Variants in PCNX2 observed in about 807,000 individuals in gnomAD.
PCNX2 encodes pecanex-like protein 2.
A neutral mutation model predicts 223.8 loss-of-function variants in PCNX2; 168 were observed. The ratio of observed to expected loss-of-function variants is 0.75; its 90% CI spans 0.66 to 0.85. The LOEUF is 0.85. Among genes scored for constraint, PCNX2 ranks in the 40% least tolerant of loss-of-function variants. PCNX2 has a pLI of 0.00. For missense variants in PCNX2, 2,507 were observed against 2,675.5 expected, an observed-to-expected ratio of 0.94 and a Z score of 1.39; for synonymous variants, 1,006 against 1,052.6, an observed-to-expected ratio of 0.96 and a Z score of 0.86.
In PCNX2 at chr1:232,998,338, C is replaced by CGGTG. The variant is rs1462158849; in HGVS notation, c.5703_5704insCACC (p.Gly1902HisfsTer25). On this transcript the variant is annotated frameshift_variant, in exon 32 of 34. Transcript: ENST00000258229. LOFTEE classifies it high-confidence loss of function. ...TCTGCGCTGCTCTCCTGGCTGCCAC[C>CGGTG]ACTCGGGGCATTGTTGCCACCTGTC... 1.9e-6 allele frequency: 3 copies of CGGTG among 1,613,128 alleles called. No homozygotes were observed. The highest frequency in any genetic ancestry group is 2.5e-6 in the Non-Finnish European group (3 of 1,179,610).
At chr1:233,015,712 A>T (rs7516270) in intron 27 of PCNX2, among the ~76,000 whole-genome samples, 66,528 of 151,716 alleles carry the variant, frequency 0.44, 16,170 homozygotes, top group African/African-American at 0.65. Context: ...AAAAAATAAA[A>T]AAATATAATA....
intron 4 of PCNX2, among the ~76,000 whole-genome samples, chr1:233,260,859 G>C (rs2884216): frequency 0.3 from 45,389 of 151,462 alleles, 6,995 homozygotes; most frequent in South Asian, 0.45. Context: ...TAAGTTAAAA[G>C]AAAGATCCCC....
In PCNX2 at chr1:233,295,462, A is replaced by G; in HGVS notation, c.17T>C (p.Leu6Pro). Residue 6 changes from leucine (L) to proline (P), a missense_variant, in exon 1 of 34, where the codon CTG (leucine) becomes CCG (proline). Leu to Pro is a moderately conservative substitution (Grantham distance 98). This residue lies in a region of PCNX2 where 1,031 missense variants were observed against 1,021.7 expected (regional missense o/e 1.01). Transcript: ENST00000258229. The surrounding 1 kb of genome is among the most constrained non-coding windows in gnomAD (Gnocchi z 4.1). ...CCACACGCCCTGCCGGAGCAGCTGC[A>G]GCACCTGGGACACCATGCCGGCTGC... MVSQV[L>P]QLLRQGVWAA... The G allele has an allele frequency of 6.5e-7, 1 of 1,549,982 alleles. No homozygotes were observed. Among genetic ancestry groups the G allele is most frequent in the Non-Finnish European group, 8.7e-7 (1 of 1,146,616 alleles).
At chr1:233,190,674 T>A (rs80252746) in intron 15 of PCNX2, among the ~76,000 whole-genome samples, 13,260 of 152,136 alleles carry the variant, frequency 0.087, 1,367 homozygotes, top group African/African-American at 0.26. Flanking sequence ...TTTCAACTGG[T>A]CAAAGCCTGT....
chr1:233,315,943 A>T, the PCNX2 span, among the ~76,000 whole-genome samples: 13 of 152,354 alleles, frequency 8.5e-5, 1 homozygote, highest in South Asian at 2.7e-3. Context: ...TCATCAGACA[A>T]ATGTGCAAAA....
rs546787527 is a variant in PCNX2, at chr1:233,262,902, T to C, written c.359+56A>G. On this transcript the variant is annotated intron_variant, in intron 2 of 33. Transcript: ENST00000258229. ...CATAAACACTGATAAAAAACTTATT[T>C]TAATCAAGAGCAAAACATTTACATT... is the stretch of plus-strand genomic sequence containing the variant. 6 of 1,554,144 alleles carry C rather than the reference T, an allele frequency of 3.9e-6. No individual in the cohort carries two copies. The African/African-American group carries it at 8.2e-5, about 21-fold the overall frequency.
chr1:233,141,332 T>A (rs1677098096), intron 19 of PCNX2, among the ~76,000 whole-genome samples: 1 of 152,208 alleles, frequency 6.6e-6, no homozygotes, highest in Admixed American at 6.5e-5. Context: ...GAATATATCA[T>A]CTTGGTAACT....
chr1:233,295,215 A>C lies in PCNX2; in HGVS notation c.153+111T>G, dbSNP rs1662008255. 6.9e-7 allele frequency: 1 copy of C among 1,451,098 alleles called. No individual in the cohort carries two copies. The highest frequency in any genetic ancestry group is 9.4e-7 in the Non-Finnish European group (1 of 1,066,160). 89.9% of individuals were successfully genotyped at this position (1,451,098 alleles called of 1,614,324 possible). A position where few individuals can be genotyped will look rare whatever the true frequency, so the allele number is the denominator to read the frequency against. On this transcript the variant is annotated intron_variant, in intron 1 of 33. Coordinates refer to ENST00000258229, the MANE Select transcript of PCNX2 (RefSeq NM_014801.4). This position sits in a 1 kb window ranked among gnomAD's most constrained non-coding sequence, Gnocchi z 4.1. ...TGAAGCCCCTCCCTTTCCGTCTCTT[A>C]AGAATCTCTACGAACCCGAAAGCCC...
intron 23 of PCNX2, among the ~76,000 whole-genome samples, chr1:233,079,420 G>A (rs564326836): frequency 6.6e-6 from 1 of 151,590 alleles, no homozygotes; most frequent in Non-Finnish European, 1.5e-5. Flanking sequence ...AACTACTTGG[G>A]AGGCTGAGGC....
At chr1:233,190,389 T>C (rs1386810917) in intron 15 of PCNX2, among the ~76,000 whole-genome samples, 1 of 152,210 alleles carries the variant, frequency 6.6e-6, no homozygotes, top group Non-Finnish European at 1.5e-5. Context: ...TTCATTCAAT[T>C]CACAGCATTT....
intron 17 of PCNX2, among the ~76,000 whole-genome samples, chr1:233,169,068 G>C (rs1477812189): frequency 6.6e-6 from 1 of 151,908 alleles, no homozygotes; most frequent in Non-Finnish European, 1.5e-5. Flanking sequence ...CATATAATTT[G>C]CCTATAGGGT....
chr1:233,151,400 G>A (rs1399582163), intron 19 of PCNX2, among the ~76,000 whole-genome samples: 3 of 152,124 alleles, frequency 2.0e-5, no homozygotes, highest in African/African-American at 7.2e-5. Flanking sequence ...CCTTTCCCAT[G>A]TTTGTTGTGC....
intron 19 of PCNX2, among the ~76,000 whole-genome samples, chr1:233,149,460 G>C (rs955842916): frequency 9.0e-5 from 13 of 143,890 alleles, no homozygotes; most frequent in African/African-American, 3.9e-4. Flanking sequence ...GCATTTCAGT[G>C]GGGGTGAGGC....
At chr1:233,085,592 T>C (rs1435577624) in intron 23 of PCNX2, among the ~76,000 whole-genome samples, 1 of 152,132 alleles carries the variant, frequency 6.6e-6, no homozygotes, top group African/African-American at 2.4e-5. Flanking sequence ...TGAATCTGGG[T>C]GGGTGAGTGA....
rs1193984028 is a variant in PCNX2, at chr1:232,984,091, TTTG to T, written c.*210_*212del. ...TTGTTTCCCCATCATGTGAGGTTTT[TTTG>T]TTGTTGTTGTTTGATTTTTTTTTTT... is the stretch of plus-strand genomic sequence containing the variant. On this transcript the variant is annotated 3_prime_UTR_variant, in exon 34 of 34. Transcript: ENST00000258229. 4.0e-4 allele frequency: 175 copies of T among 433,796 alleles called. No individual in the cohort carries two copies. Among genetic ancestry groups the T allele is most frequent in the African/African-American group, 2.9e-3 (142 of 48,234 alleles). The allele number at this position is 433,796 out of a possible 1,614,324, so 26.9% of individuals were successfully genotyped here.
chr1:233,028,574 TTCTA>T (rs529832537), intron 25 of PCNX2, among the ~76,000 whole-genome samples: 170 of 152,302 alleles, frequency 1.1e-3, no homozygotes, highest in Non-Finnish European at 2.0e-3. Context: ...GAATGCAACT[TTCTA>T]TCTTTTTATT....
At position 233,025,410 on chromosome 1, in the gene PCNX2, AC is replaced by A. The variant is rs753158049; in HGVS notation, c.4352-12del. Reference sequence around the variant, plus strand: ...GCTGGCAGTAGGTTCCTGGCCGAGCACAAACATGAAGGAAGTTTGAAGAGAA... The same window carrying A: ...GCTGGCAGTAGGTTCCTGGCCGAGCAAAACATGAAGGAAGTTTGAAGAGAA... On this transcript the variant is annotated splice_polypyrimidine_tract_variant and intron_variant, in intron 25 of 33. Coordinates refer to ENST00000258229, the MANE Select transcript of PCNX2 (RefSeq NM_014801.4). The A allele has an allele frequency of 9.3e-6, 15 of 1,613,088 alleles. No homozygotes were observed. Among genetic ancestry groups the A allele is most frequent in the Non-Finnish European group, 1.3e-5 (15 of 1,179,284 alleles).
intron 25 of PCNX2, among the ~76,000 whole-genome samples, chr1:233,040,849 C>G (rs948724105): frequency 6.6e-6 from 1 of 152,200 alleles, no homozygotes; most frequent in Non-Finnish European, 1.5e-5. Flanking sequence ...CAGTGATAAC[C>G]TTAGACTTTG....
chr1:233,250,813 A>G lies in PCNX2; in HGVS notation c.2148T>C (p.Tyr716=). The change falls in exon 8 of 34, where the codon TAT becomes TAC. Residue 716 remains tyrosine, a synonymous_variant. Coordinates refer to ENST00000258229, the MANE Select transcript of PCNX2 (RefSeq NM_014801.4). ...CTTCTTTCTGATTTCCAGATTTTAA[A>G]TAACAGGATCTAATTTCCCCTGTAA... is the stretch of plus-strand genomic sequence containing the variant. ...IDEHGEIRSC[Y]LKSGNQKEGP... 1.3e-6 allele frequency: 2 copies of G among 1,596,180 alleles called. No individual in the cohort carries two copies. The highest frequency in any genetic ancestry group is 1.3e-5 in the African/African-American group (1 of 74,788).
Sources: allele counts gnomAD v4.1 joint callset (sites outside exome capture counted in the v4.1 genomes callset), GRCh38; gene constraint gnomAD v4.1.1; regional missense constraint gnomAD v4.1.1; non-coding constraint Gnocchi (gnomAD v3.1); transcripts MANE v1.5; gene names NCBI Gene and HGNC (gene_info 2026-07-23, HGNC 2026-07-21).